The following TDRD12 variants were observed in gnomAD, a reference collection of about 807,000 sequenced individuals.
TDRD12 encodes tudor domain containing 12.
A neutral mutation model predicts 133.5 loss-of-function variants in TDRD12; 158 were observed. The ratio of observed to expected loss-of-function variants is 1.18; its 90% confidence interval spans 1.04 to 1.35. TDRD12 has a LOEUF of 1.35. Ranked by LOEUF, TDRD12 falls within the 40% of genes most tolerant of loss-of-function variation. The pLI is 0.00. For synonymous variants in TDRD12, 460 were observed against 477.9 expected (o/e 0.96, Z 0.49); for missense variants, 1,443 against 1,321.3 (o/e 1.09, Z -1.43).
intron 8 of TDRD12, among the ~76,000 whole-genome samples, chr19:32,758,861 G>A (rs930221322): frequency 2.6e-5 from 4 of 151,774 alleles, no homozygotes; most frequent in Non-Finnish European, 5.9e-5. Context: ...CTTGAACTGG[G>A]AGGTGGAGGT....
At chr19:32,823,799 T>G (rs886983923), downstream of TDRD12, among the ~76,000 whole-genome samples, 8 of 152,160 alleles carry the variant, frequency 5.3e-5, no homozygotes, top group Non-Finnish European at 1.2e-4. Flanking sequence ...CCCAGAGCAG[T>G]GTTTATTCCA....
At chr19:32,785,488 G>C (rs945266872) in intron 11 of TDRD12, among the ~76,000 whole-genome samples, 1 of 152,148 alleles carries the variant, frequency 6.6e-6, no homozygotes, top group African/African-American at 2.4e-5. Context: ...GCTTGGTCCA[G>C]AGCTGAGTTC....
chr19:32,733,502 A>G (rs544124184), intron 2 of TDRD12, among the ~76,000 whole-genome samples: 4 of 151,922 alleles, frequency 2.6e-5, no homozygotes, highest in South Asian at 2.1e-4. Context: ...GTGTGTGTGT[A>G]TGTGTATAGT....
intron 1 of TDRD12, among the ~76,000 whole-genome samples, chr19:32,730,640 C>T (rs936524445): frequency 2.0e-5 from 3 of 152,106 alleles, no homozygotes; most frequent in Admixed American, 6.5e-5. Context: ...GTATTCTTGC[C>T]ACCTTGGGCA....
At chr19:32,739,022 CTT>C in intron 3 of TDRD12, 30 bp downstream of exon 3, 1 of 1,548,540 alleles carries the variant, frequency 6.5e-7, no homozygotes, top group Non-Finnish European at 8.7e-7. Context: ...ACCTTACGCT[CTT>C]TTCAGAGACA....
At chr19:32,755,032 GT>G (rs1969951940) in intron 6 of TDRD12, among the ~76,000 whole-genome samples, 1 of 152,198 alleles carries the variant, frequency 6.6e-6, no homozygotes, top group Non-Finnish European at 1.5e-5. Context: ...AACAGGATGT[GT>G]CCCAAGGTGT....
chr19:32,821,339 C>T (rs1334723315), downstream of TDRD12: 17 of 589,068 alleles, frequency 2.9e-5, no homozygotes, highest in Admixed American at 2.4e-4. Context: ...TCCAGTGATG[C>T]GCACAGATGT....
chr19:32,757,592 C>T (rs1481146519), intron 8 of TDRD12, among the ~76,000 whole-genome samples: 3 of 152,218 alleles, frequency 2.0e-5, no homozygotes, highest in African/African-American at 7.2e-5. Flanking sequence ...CTGGCTCGCC[C>T]TCTGTGGTGG....
At chr19:32,725,060 G>T (rs1968815028) in intron 1 of TDRD12, among the ~76,000 whole-genome samples, 1 of 151,936 alleles carries the variant, frequency 6.6e-6, no homozygotes, top group African/African-American at 2.4e-5. Flanking sequence ...TTTTGATGGG[G>T]TTTTTTTCTT....
intron 7 of TDRD12, 59 bp downstream of exon 7, chr19:32,756,240 T>G: frequency 7.5e-7 from 1 of 1,338,148 alleles, no homozygotes; most frequent in Non-Finnish European, 9.7e-7. Context: ...AATCTTAGTG[T>G]ATAGATATAA....
In TDRD12 at chr19:32,780,604, C is replaced by T. The variant is rs114512146; in HGVS notation, c.1121+3375C>T. 5.8e-3 allele frequency among the ~76,000 whole-genome samples: 879 copies of T among 152,184 alleles called. 9 individuals carry two copies. Among genetic ancestry groups the T allele is most frequent in the African/African-American group, 0.02 (825 of 41,522 alleles). On this transcript the variant is annotated intron_variant, in intron 11 of 27. Coordinates refer to ENST00000444215, the Ensembl canonical transcript of TDRD12. ...CCTCCCTCTTGAAATCACACCCACACGTCTGTTCTTCCCATGACTCCACTC... is the reference window on the plus strand; with the variant it reads ...CCTCCCTCTTGAAATCACACCCACATGTCTGTTCTTCCCATGACTCCACTC...
At chr19:32,811,171 G>A (rs1021959404) in intron 23 of TDRD12, 39 bp from the exon 24 acceptor site, 6 of 1,433,932 alleles carry the variant, frequency 4.2e-6, no homozygotes, top group Admixed American at 2.1e-5. Flanking sequence ...GATCCTTTCT[G>A]GAATCTCTGC....
chr19:32,723,498 C>T (rs1415731349), intron 1 of TDRD12, among the ~76,000 whole-genome samples: 1 of 152,088 alleles, frequency 6.6e-6, no homozygotes, highest in African/African-American at 2.4e-5. Context: ...GTCCACCCAT[C>T]TCGGCCTCCC....
chr19:32,719,994 G>T (rs931239567), exon 1 of TDRD12: 3 of 1,513,974 alleles, frequency 2.0e-6, no homozygotes, highest in Non-Finnish European at 2.7e-6. Flanking sequence ...CCTGGCCGGG[G>T]CGGACGCAGC....
At position 32,821,025 on chromosome 19, in the gene TDRD12, C is replaced by G. The variant is rs781588039; in HGVS notation, c.3384-8C>G. 9 of 1,534,898 alleles carry G rather than the reference C, an allele frequency of 5.9e-6. No homozygotes were observed. The East Asian group carries it at 2.0e-4, about 33-fold the overall frequency. On this transcript the variant is annotated splice_polypyrimidine_tract_variant and splice_region_variant and intron_variant, in intron 27 of 27. Transcript: ENST00000444215. Reference sequence around the variant, plus strand: ...AGCCAGGTGTTAACCCCTGCCTCTCCCGTCTAGGACGCCTCCAGCAGAAGA... The same window carrying G: ...AGCCAGGTGTTAACCCCTGCCTCTCGCGTCTAGGACGCCTCCAGCAGAAGA...
chr19:32,821,329 T>C, downstream of TDRD12: 1 of 596,376 alleles, frequency 1.7e-6, no homozygotes, highest in Non-Finnish European at 3.0e-6. Context: ...CTAACTTCCA[T>C]CCAGTGATGC....
At chr19:32,777,124 A>T in intron 10 of TDRD12, 25 bp from the exon 11 acceptor site, 3 of 1,471,230 alleles carry the variant, frequency 2.0e-6, no homozygotes, top group Non-Finnish European at 1.8e-6. Flanking sequence ...ACAAATTTTA[A>T]TGAATTTTTT....
At position 32,802,643 on chromosome 19, in the gene TDRD12, T is replaced by A; in HGVS notation, c.2198-13T>A. The stretch of plus-strand genomic sequence containing the variant: ...TCCAGCGCGTGTGACATTGTCGGAC[T>A]CCCTCTCTGCAGCCCTCACAGACGA... On this transcript the variant is annotated splice_polypyrimidine_tract_variant and intron_variant, in intron 19 of 27. Transcript: ENST00000444215. The A allele has an allele frequency of 6.5e-7, 1 of 1,535,234 alleles. No homozygotes were observed. The highest frequency in any genetic ancestry group is 8.7e-7 in the Non-Finnish European group (1 of 1,146,458).
intron 1 of TDRD12, among the ~76,000 whole-genome samples, chr19:32,725,265 T>C (rs1461570066): frequency 1.3e-5 from 2 of 152,182 alleles, no homozygotes; most frequent in Non-Finnish European, 2.9e-5. Context: ...TTTGATGTTT[T>C]TGTCATGAAA....
Sources: allele counts gnomAD v4.1 joint callset (sites outside exome capture counted in the v4.1 genomes callset), GRCh38; gene constraint gnomAD v4.1.1; transcripts MANE v1.5; gene names NCBI Gene and HGNC (gene_info 2026-07-23, HGNC 2026-07-21).